The following HEATR5B variants were observed in gnomAD, a reference collection of about 807,000 sequenced individuals.
HEATR5B encodes HEAT repeat-containing protein 5B.
In HEATR5B, 156 loss-of-function variants were observed where a neutral mutation model predicts 224.1. That is an observed-to-expected ratio of 0.70 (90% CI 0.61 to 0.80). HEATR5B has a LOEUF of 0.80. Among genes scored for constraint, HEATR5B ranks in the 30% least tolerant of loss-of-function variants. The pLI is 0.00. For missense variants in HEATR5B, 2,323 were observed against 2,535.5 expected, an observed-to-expected ratio of 0.92 and a Z score of 1.80; for synonymous variants, 1,027 against 893.0, an observed-to-expected ratio of 1.15 and a Z score of -2.68.
chr2:37,007,025 A>T (rs1360158699), intron 29 of HEATR5B, 25 bp downstream of exon 29: 1 of 1,605,842 alleles, frequency 6.2e-7, no homozygotes, highest in East Asian at 2.2e-5. Flanking sequence ...GATAATCTTG[A>T]AATATATTAA....
chr2:37,001,797 G>A (rs1478882409), intron 32 of HEATR5B, among the ~76,000 whole-genome samples: 1 of 137,846 alleles, frequency 7.3e-6, no homozygotes, highest in East Asian at 3.5e-4. Context: ...CTGAGTAGCT[G>A]GGATTACAGG....
At chr2:37,078,240 C>A (rs1448028450) in intron 3 of HEATR5B, among the ~76,000 whole-genome samples, 1 of 152,200 alleles carries the variant, frequency 6.6e-6, no homozygotes. Flanking sequence ...ATTTAGCTCA[C>A]AATCAAACAC....
Position 37,043,152 on chromosome 2 carries a change from G to A in HEATR5B, c.2697-1860C>T, listed in dbSNP as rs551820507. Among the ~76,000 whole-genome samples the A allele has an allele frequency of 2.6e-5, 4 of 152,248 alleles. 1 individual carries two copies. Among genetic ancestry groups the A allele is most frequent in the South Asian group, 4.1e-4 (2 of 4,824 alleles). ...AAACTGTTCTACCCAAATCAGCTGC[G>A]GACAAGGCAGAGCTTTCAATGGTAA... On this transcript the variant is annotated intron_variant, in intron 18 of 35. Transcript: ENST00000233099.
chr2:37,074,180 G>A (rs1030004629), intron 5 of HEATR5B, among the ~76,000 whole-genome samples: 11 of 151,912 alleles, frequency 7.2e-5, no homozygotes, highest in African/African-American at 2.4e-4. Flanking sequence ...AAAATTAGCT[G>A]GGCATGGTGG....
intron 21 of HEATR5B, among the ~76,000 whole-genome samples, chr2:37,035,602 C>G (rs368925533): frequency 1.3e-5 from 2 of 152,192 alleles, no homozygotes; most frequent in East Asian, 3.8e-4. Flanking sequence ...TCTTCTACTC[C>G]ACTTAGCTTC....
At chr2:36,985,889 A>G (rs555575625) in intron 35 of HEATR5B, among the ~76,000 whole-genome samples, 197 of 152,182 alleles carry the variant, frequency 1.3e-3, no homozygotes, top group Non-Finnish European at 2.2e-3. Flanking sequence ...TTTCAAAGAT[A>G]TTGCTAAAGC....
chr2:37,056,345 C>A, intron 16 of HEATR5B, 95 bp downstream of exon 16: 1 of 778,250 alleles, frequency 1.3e-6, no homozygotes, highest in Admixed American at 3.0e-5. Context: ...TATAATAACT[C>A]ACTTTATTGC....
chr2:36,988,265 T>C (rs983007421), intron 35 of HEATR5B, among the ~76,000 whole-genome samples: 4 of 151,810 alleles, frequency 2.6e-5, no homozygotes, highest in African/African-American at 9.7e-5. Flanking sequence ...TGGTTTTTTT[T>C]CTTTTCTTTT....
chr2:37,027,327 A>G (rs1170900688), intron 24 of HEATR5B, among the ~76,000 whole-genome samples: 3 of 152,204 alleles, frequency 2.0e-5, no homozygotes, highest in African/African-American at 7.2e-5. Flanking sequence ...CTATGAAATG[A>G]AGGTACTGGG....
At chr2:37,072,978 T>A (rs1671996553) in intron 5 of HEATR5B, among the ~76,000 whole-genome samples, 1 of 152,134 alleles carries the variant, frequency 6.6e-6, no homozygotes, top group South Asian at 2.1e-4. Context: ...AATCTTTCCC[T>A]CAAAAAAACT....
chr2:37,080,187 G>A (rs902376185), intron 2 of HEATR5B, among the ~76,000 whole-genome samples: 1 of 152,128 alleles, frequency 6.6e-6, no homozygotes, highest in African/African-American at 2.4e-5. Flanking sequence ...GAATTCAGAA[G>A]GATAGAAGGG....
intron 10 of HEATR5B, 85 bp downstream of exon 10, chr2:37,064,655 C>G (rs1205574318): frequency 7.3e-7 from 1 of 1,372,988 alleles, no homozygotes; most frequent in African/African-American, 1.4e-5. Flanking sequence ...ATTTGACCAC[C>G]CTGTTCAACA....
intron 12 of HEATR5B, among the ~76,000 whole-genome samples, chr2:37,059,389 TAC>T (rs1375678852): frequency 6.9e-6 from 1 of 145,820 alleles, no homozygotes; most frequent in African/African-American, 2.5e-5. Flanking sequence ...TTGCAACTTT[TAC>T]AGATATATAT....
intron 1 of HEATR5B, among the ~76,000 whole-genome samples, chr2:37,083,638 G>A (rs1672765497): frequency 6.6e-6 from 1 of 152,176 alleles, no homozygotes; most frequent in Non-Finnish European, 1.5e-5. Flanking sequence ...TGGTAAGGAA[G>A]AGTGACTCAT....
In HEATR5B at chr2:37,002,634, G is replaced by A. The variant is rs1022296214; in HGVS notation, c.5051-62C>T. ...AAAAAAAGTATGTAAAACAACACAA[G>A]TATATTTAGGAAATTCCTTCAAAAG... On this transcript the variant is annotated intron_variant, in intron 31 of 35. Transcript: ENST00000233099. The A allele has an allele frequency of 4.0e-6, 6 of 1,508,956 alleles. No homozygotes were observed. The African/African-American group carries it at 4.2e-5, about 11-fold the overall frequency. The allele number at this position is 1,508,956 out of a possible 1,614,324, so 93.5% of individuals were successfully genotyped here.
Position 37,077,001 on chromosome 2 carries a change from G to A in HEATR5B, c.357C>T (p.Val119=), listed in dbSNP as rs150874894. The change falls in exon 4 of 36, where the codon GTC becomes GTT. Residue 119 remains valine, a synonymous_variant. Transcript: ENST00000233099. ...LPTKLAAVAC[V]GAFYEKMGRM... The stretch of plus-strand genomic sequence containing the variant: ...TCCCCATTTTTTCATAAAATGCTCC[G>A]ACACAAGCCACCGCAGCCCTGTAAG... 6.8e-6 allele frequency: 11 copies of A among 1,613,670 alleles called. No individual in the cohort carries two copies. Among genetic ancestry groups the A allele is most frequent in the Admixed American group, 3.3e-5 (2 of 59,984 alleles).
At chr2:36,986,961 C>T (rs981351159) in intron 35 of HEATR5B, among the ~76,000 whole-genome samples, 4 of 152,000 alleles carry the variant, frequency 2.6e-5, no homozygotes, top group African/African-American at 9.7e-5. Context: ...CCACGTTTGC[C>T]AGGCTAGTCT....
At chr2:37,008,935 C>G in intron 27 of HEATR5B, 87 bp from the exon 28 acceptor site, 1 of 900,608 alleles carries the variant, frequency 1.1e-6, no homozygotes, top group East Asian at 2.4e-5. Flanking sequence ...ACAGTTAAAT[C>G]ATCAAAGATA....
chr2:37,005,045 A>G (rs1257967554), intron 30 of HEATR5B, among the ~76,000 whole-genome samples: 5 of 152,156 alleles, frequency 3.3e-5, no homozygotes, highest in Non-Finnish European at 7.4e-5. Flanking sequence ...CACTTTCAGG[A>G]TAGGGTTCAA....
Sources: allele counts gnomAD v4.1 joint callset (sites outside exome capture counted in the v4.1 genomes callset), GRCh38; gene constraint gnomAD v4.1.1; transcripts MANE v1.5; gene names NCBI Gene and HGNC (gene_info 2026-07-23, HGNC 2026-07-21).